The following HDAC9 variants were observed in gnomAD, a reference collection of about 807,000 sequenced individuals.
The protein encoded by HDAC9 is histone deacetylase 9.
In HDAC9, 41 loss-of-function variants were observed where a neutral mutation model predicts 139.4. That is an observed-to-expected ratio of 0.29 (90% CI 0.23 to 0.38). The LOEUF (loss-of-function observed/expected upper bound fraction) is 0.38, where lower values mean the gene tolerates loss of function less well. Ranked by LOEUF, HDAC9 falls within the 10% of genes least tolerant of loss-of-function variation. The probability of loss-of-function intolerance (pLI) is 1.00; values close to 1 mark genes in which losing one functional copy is unlikely to be tolerated. For synonymous variants in HDAC9, 517 were observed against 476.2 expected (o/e 1.09, Z -1.12); for missense variants, 1,147 against 1,297.0 (o/e 0.88, Z 1.78).
intron 25 of HDAC9, among the ~76,000 whole-genome samples, chr7:18,985,028 C>T (rs773961253): frequency 1.7e-4 from 26 of 152,176 alleles, no homozygotes; most frequent in Admixed American, 3.3e-4. Context: ...GAAGTCTGTA[C>T]TGAGAATATT....
intron 12 of HDAC9, among the ~76,000 whole-genome samples, chr7:18,718,536 G>T (rs893954375): frequency 4.6e-5 from 7 of 152,116 alleles, no homozygotes. Context: ...CCTGGCAGGT[G>T]TGTGGTCTTT....
chr7:18,222,158 T>C (rs1792749603), intron 2 of HDAC9, among the ~76,000 whole-genome samples: 3 of 152,196 alleles, frequency 2.0e-5, no homozygotes, highest in Non-Finnish European at 4.4e-5. Flanking sequence ...ATAAAACACA[T>C]TTTGAAATTT....
chr7:18,787,845 CT>C (rs1339540209), intron 16 of HDAC9, among the ~76,000 whole-genome samples: 1 of 152,168 alleles, frequency 6.6e-6, no homozygotes, highest in African/African-American at 2.4e-5. Context: ...TATAGTGATC[CT>C]CTCCATAATT....
At chr7:18,790,333 G>C (rs11982735) in intron 16 of HDAC9, among the ~76,000 whole-genome samples, 3,976 of 152,184 alleles carry the variant, frequency 0.026, 160 homozygotes, top group African/African-American at 0.09. Flanking sequence ...ATTAAATTAG[G>C]TCATAAGGTA....
intron 22 of HDAC9, among the ~76,000 whole-genome samples, chr7:18,881,588 C>A (rs1207167230): frequency 1.3e-5 from 2 of 151,906 alleles, no homozygotes; most frequent in Non-Finnish European, 2.9e-5. Flanking sequence ...CTTAAAATGT[C>A]CATGGCTCTC....
intron 5 of HDAC9, among the ~76,000 whole-genome samples, chr7:18,592,376 A>C (rs762577319): frequency 6.6e-6 from 1 of 152,144 alleles, no homozygotes; most frequent in Non-Finnish European, 1.5e-5. Context: ...CAAATATTTC[A>C]ATAAAATATA....
chr7:18,351,469 G>T (rs1039523586), intron 1 of HDAC9, among the ~76,000 whole-genome samples: 2 of 152,046 alleles, frequency 1.3e-5, no homozygotes, highest in African/African-American at 4.8e-5. Flanking sequence ...AACAAAAAAA[G>T]ACAGCTATAT....
chr7:18,129,245 A>G (rs1377011606), intron 1 of HDAC9, among the ~76,000 whole-genome samples: 2 of 152,118 alleles, frequency 1.3e-5, no homozygotes, highest in African/African-American at 4.8e-5. Context: ...TCTATTGAAA[A>G]ACAGTTTTTA....
rs148073823 is a variant in HDAC9 at position 18,805,496 on chromosome 7, G to C, written c.2322+12044G>C. On this transcript the variant is annotated intron_variant, in intron 17 of 25. Coordinates refer to ENST00000686413, the MANE Select transcript of HDAC9 (RefSeq NM_178425.4). ...CAGCTGCACAGATGCAAAAACTGTT[G>C]GTGGGGCAAGGATTTTTCCCCCTGC... 7.0e-3 allele frequency among the ~76,000 whole-genome samples: 1,066 copies of C among 152,278 alleles called. 14 individuals carry two copies. The highest frequency in any genetic ancestry group is 8.7e-3 in the Non-Finnish European group (594 of 68,026).
intron 2 of HDAC9, among the ~76,000 whole-genome samples, chr7:18,515,380 A>T (rs1802843357): frequency 6.6e-6 from 1 of 151,870 alleles, no homozygotes; most frequent in East Asian, 1.9e-4. Flanking sequence ...TGAGAATGAA[A>T]TTTTTTTTTA....
chr7:18,367,104 G>T (rs1784243284), intron 1 of HDAC9, among the ~76,000 whole-genome samples: 1 of 151,888 alleles, frequency 6.6e-6, no homozygotes, highest in Non-Finnish European at 1.5e-5. Flanking sequence ...TTTTTCACAA[G>T]TAATAGATGT....
chr7:18,482,380 CAAAAAAAAAAAAAAAAAAAAAAAAAA>C (rs566243064), intron 1 of HDAC9, among the ~76,000 whole-genome samples: 1 of 32,328 alleles, frequency 3.1e-5, no homozygotes, highest in Non-Finnish European at 4.8e-5. Flanking sequence ...CTGGACTCAC[CAAAAAAAAAAAAAAAAAAAAAAAAAA>C]AAAAAAAAAA....
intron 17 of HDAC9, among the ~76,000 whole-genome samples, chr7:18,809,012 A>G: frequency 6.6e-6 from 1 of 152,164 alleles, no homozygotes; most frequent in Non-Finnish European, 1.5e-5. Flanking sequence ...ATGGAATAGA[A>G]TGGAGAGCCC....
At chr7:18,682,886 CAGG>C (rs1316088022) in intron 12 of HDAC9, among the ~76,000 whole-genome samples, 1 of 151,842 alleles carries the variant, frequency 6.6e-6, no homozygotes, top group Non-Finnish European at 1.5e-5. Flanking sequence ...GAGGCTGAGG[CAGG>C]AGAATTGCAT....
At chr7:18,148,765 C>T (rs1340048616) in intron 1 of HDAC9, among the ~76,000 whole-genome samples, 2 of 152,078 alleles carry the variant, frequency 1.3e-5, no homozygotes, top group Non-Finnish European at 2.9e-5. Context: ...TGGCCTCTCC[C>T]TTCCACTTTT....
At chr7:18,827,399 T>A (rs1447784263) in intron 17 of HDAC9, among the ~76,000 whole-genome samples, 1 of 152,098 alleles carries the variant, frequency 6.6e-6, no homozygotes, top group Non-Finnish European at 1.5e-5. Context: ...AGTATTTTTT[T>A]AAGGCTCTGG....
At chr7:18,852,598 T>A (rs773757285) in intron 21 of HDAC9, among the ~76,000 whole-genome samples, 7 of 152,204 alleles carry the variant, frequency 4.6e-5, no homozygotes, top group Non-Finnish European at 8.8e-5. Context: ...TAAATATGCC[T>A]TGGTACATAT....
intron 1 of HDAC9, among the ~76,000 whole-genome samples, chr7:18,156,679 G>A (rs1194821052): frequency 6.6e-6 from 1 of 152,194 alleles, no homozygotes; most frequent in Admixed American, 6.5e-5. Context: ...ATGGATGAAA[G>A]TACTCCACTA....
chr7:18,939,380 AAAAG>A (rs1462665796), intron 23 of HDAC9, among the ~76,000 whole-genome samples: 2 of 152,204 alleles, frequency 1.3e-5, no homozygotes, highest in Non-Finnish European at 2.9e-5. Flanking sequence ...AAAGTTAAGA[AAAAG>A]AAAGATTATT....
Sources: gnomAD v4.1 joint callset for allele counts (sites outside exome capture counted in the v4.1 genomes callset) on GRCh38, gnomAD v4.1.1 for gene constraint, MANE v1.5 for transcripts, NCBI Gene and HGNC (gene_info 2026-07-23, HGNC 2026-07-21) for gene names.